The following OLFML1 variants were observed in gnomAD, a reference collection of about 807,000 sequenced individuals.
OLFML1 encodes the protein olfactomedin-like protein 1.
Under a neutral mutation model 37.3 loss-of-function variants are expected in OLFML1, and 33 were observed. That is an observed-to-expected ratio of 0.88 (90% confidence interval 0.67 to 1.18). The LOEUF (loss-of-function observed/expected upper bound fraction) is 1.18, where lower values mean the gene tolerates loss of function less well. OLFML1 is among the 50% of genes most tolerant of loss of function. The pLI, the probability that OLFML1 is intolerant of heterozygous loss-of-function variation, is 0.00. For missense variants in OLFML1, 545 were observed against 483.7 expected (o/e 1.13, Z -1.19); for synonymous variants, 186 against 181.3 (o/e 1.03, Z -0.21).
At chr11:7,502,669 G>A (rs1488713314) in intron 2 of OLFML1, among the ~76,000 whole-genome samples, 4 of 151,628 alleles carry the variant, frequency 2.6e-5, no homozygotes, top group South Asian at 2.1e-4. Flanking sequence ...GCAGTGGCGC[G>A]ATCTCGGCTT....
intron 2 of OLFML1, among the ~76,000 whole-genome samples, chr11:7,490,136 G>C (rs547040692): frequency 4.5e-5 from 6 of 134,422 alleles, no homozygotes; most frequent in South Asian, 2.9e-4. Flanking sequence ...CTTTGGTGGG[G>C]GGGGGGGCGG....
Position 7,504,310 on chromosome 11 carries a change from G to C in OLFML1, c.419-5088G>C, listed in dbSNP as rs1848756585. Among the ~76,000 whole-genome samples, 4 of 152,128 alleles carry C rather than the reference G, an allele frequency of 2.6e-5. No homozygotes were observed. In the South Asian group the frequency reaches 8.3e-4, roughly 32 times the overall value. On this transcript the variant is annotated intron_variant, in intron 2 of 2. Transcript: ENST00000329293. ...AGTGTGATAGAACAAAACGAACAAG[G>C]TGGAGAAGTTGTAGGGGACAAGGAG... is the stretch of plus-strand genomic sequence containing the variant.
At chr11:7,499,091 AG>A (rs1848692860) in intron 2 of OLFML1, among the ~76,000 whole-genome samples, 1 of 152,262 alleles carries the variant, frequency 6.6e-6, no homozygotes, top group Non-Finnish European at 1.5e-5. Flanking sequence ...CTATTAAATC[AG>A]GGGAAAAGTA....
intron 2 of OLFML1, among the ~76,000 whole-genome samples, chr11:7,505,476 C>T (rs1848774658): frequency 6.6e-6 from 1 of 152,198 alleles, no homozygotes; most frequent in South Asian, 2.1e-4. Context: ...GACCACCACT[C>T]CCTGCTTCCA....
chr11:7,506,506 G>A (rs1216579521), intron 2 of OLFML1, among the ~76,000 whole-genome samples: 4 of 152,138 alleles, frequency 2.6e-5, no homozygotes, highest in Non-Finnish European at 5.9e-5. Flanking sequence ...GGCCAGGGCG[G>A]GGTGTGTGGG....
At position 7,509,776 on chromosome 11, in the gene OLFML1, C is replaced by T. The variant is rs767132753; in HGVS notation, c.797C>T (p.Pro266Leu). 1 of 1,614,254 alleles carries T rather than the reference C, an allele frequency of 6.2e-7. No homozygotes were observed. The highest frequency in any genetic ancestry group is 1.1e-5 in the South Asian group (1 of 91,084). ...VGRALVYQHS[P>L]STYIDLAVDE... ...CGAGCATTGGTTTACCAGCACTCCC[C>T]CTCAACTTACATTGACCTGGCTGTG... The change falls in exon 3 of 3, where the codon CCC (proline) becomes CTC (leucine). Residue 266 changes from proline to leucine, a missense_variant. Pro to Leu is a moderately conservative substitution (Grantham distance 98). Transcript: ENST00000329293.
chr11:7,492,075 C>T (rs1253953748), intron 2 of OLFML1, among the ~76,000 whole-genome samples: 2 of 152,184 alleles, frequency 1.3e-5, no homozygotes, highest in African/African-American at 4.8e-5. Context: ...GTCCTGCCCA[C>T]ACTCAAGGGA....
chr11:7,510,445 C>T lies in OLFML1; in HGVS notation c.*257C>T, dbSNP rs1330517719. The T allele has an allele frequency of 9.4e-6, 4 of 423,316 alleles. No homozygotes were observed. The highest frequency in any genetic ancestry group is 7.9e-5 in the African/African-American group (4 of 50,720). The allele number at this position is 423,316 out of a possible 1,614,324, so 26.2% of individuals were successfully genotyped here. On this transcript the variant is annotated 3_prime_UTR_variant, in exon 3 of 3. Transcript: ENST00000329293. ...ACCTCCTGGCTCTCAAGGATGACCA[C>T]ATTCTGATACAGCCTACTTCAAGCC...
chr11:7,489,592 TAA>T (rs1359482047), intron 2 of OLFML1, among the ~76,000 whole-genome samples: 1 of 151,984 alleles, frequency 6.6e-6, no homozygotes, highest in East Asian at 1.9e-4. Context: ...AGGAAGAGGC[TAA>T]GACTAGAGAG....
intron 2 of OLFML1, among the ~76,000 whole-genome samples, chr11:7,505,638 C>T (rs1358656231): frequency 6.6e-6 from 1 of 152,124 alleles, no homozygotes; most frequent in African/African-American, 2.4e-5. Flanking sequence ...TGAGACTAGC[C>T]TGGGCAACAT....
In OLFML1 at chr11:7,485,734, C is replaced by T; in HGVS notation, c.-142C>T. 2 of 826,134 alleles carry T rather than the reference C, an allele frequency of 2.4e-6. No individual in the cohort carries two copies. The highest frequency in any genetic ancestry group is 1.7e-5 in the African/African-American group (1 of 58,836). The allele number at this position is 826,134 out of a possible 1,614,324, so 51.2% of individuals were successfully genotyped here. A position where few individuals can be genotyped will look rare whatever the true frequency, so the allele number is the denominator to read the frequency against. On this transcript the variant is annotated 5_prime_UTR_variant, in exon 1 of 3. Transcript: ENST00000329293. Reference sequence around the variant, plus strand: ...CGTATCGGGTGGAATAACAAGCGGACTTTGCTCTCTGCTGTGCAAAACGCT... The same window carrying T: ...CGTATCGGGTGGAATAACAAGCGGATTTTGCTCTCTGCTGTGCAAAACGCT...
chr11:7,506,791 G>A (rs1405387076), intron 2 of OLFML1, among the ~76,000 whole-genome samples: 1 of 152,110 alleles, frequency 6.6e-6, no homozygotes, highest in East Asian at 1.9e-4. Flanking sequence ...CTATTACAGT[G>A]GTTTAGGCTG....
At chr11:7,500,398 C>T (rs1329258260) in intron 2 of OLFML1, among the ~76,000 whole-genome samples, 2 of 152,180 alleles carry the variant, frequency 1.3e-5, no homozygotes, top group African/African-American at 4.8e-5. Context: ...CACCCTTCTG[C>T]ACACCCAGAT....
At chr11:7,509,253 C>T (rs188454992) in intron 2 of OLFML1, 145 bp from the exon 3 acceptor site, 71 of 591,650 alleles carry the variant, frequency 1.2e-4, no homozygotes, top group East Asian at 1.2e-3. Flanking sequence ...CTTCTAAGGA[C>T]GGTCATGTCA....
chr11:7,493,107 T>C (rs1848619217), intron 2 of OLFML1, among the ~76,000 whole-genome samples: 1 of 152,250 alleles, frequency 6.6e-6, no homozygotes, highest in Non-Finnish European at 1.5e-5. Context: ...CAAGCCATTA[T>C]AGCAGATTTT....
intron 2 of OLFML1, among the ~76,000 whole-genome samples, chr11:7,502,218 G>A (rs894282480): frequency 6.6e-6 from 1 of 152,210 alleles, no homozygotes; most frequent in Non-Finnish European, 1.5e-5. Context: ...TTGACATCCT[G>A]GCAGGATCTG....
chr11:7,496,771 C>T (rs1400770468), intron 2 of OLFML1, among the ~76,000 whole-genome samples: 1 of 151,954 alleles, frequency 6.6e-6, no homozygotes. Flanking sequence ...ATGAGAAGTT[C>T]GTAATTATAA....
rs1384839423 is a variant in OLFML1 at position 7,509,493 on chromosome 11, T to C, written c.514T>C (p.Ser172Pro). The C allele has an allele frequency of 6.2e-7, 1 of 1,613,920 alleles. No individual in the cohort carries two copies. Among genetic ancestry groups the C allele is most frequent in the Admixed American group, 1.7e-5 (1 of 59,926 alleles). The stretch of plus-strand genomic sequence containing the variant: ...TTGGATGAAAGATGCTGTCTATAAC[T>C]CTCCAAAGGTGTACTTATTAATTGG... ...GSWMKDAVYNSPKVYLLIGSR... is the reference protein window; with the variant it reads ...GSWMKDAVYNPPKVYLLIGSR... The change falls in exon 3 of 3, where the codon TCT (serine) becomes CCT (proline). Residue 172 changes from serine (S) to proline (P), a missense_variant. Coordinates refer to ENST00000329293, the MANE Select transcript of OLFML1 (RefSeq NM_198474.4).
chr11:7,511,117 T>A lies in OLFML1; in HGVS notation c.*929T>A, dbSNP rs1399066706. 1 of 152,226 alleles carries A rather than the reference T, an allele frequency of 6.6e-6. No individual in the cohort carries two copies. Among genetic ancestry groups the A allele is most frequent in the South Asian group, 2.1e-4 (1 of 4,832 alleles). The allele number at this position is 152,226 out of a possible 1,614,324, so 9.4% of individuals were successfully genotyped here. ...ATACGTATGTTTGTTCACCTACTCTTATAGTCAATGCGTTCATCGTTTCAG... is the reference window on the plus strand; with the variant it reads ...ATACGTATGTTTGTTCACCTACTCTAATAGTCAATGCGTTCATCGTTTCAG... On this transcript the variant is annotated 3_prime_UTR_variant, in exon 3 of 3. Coordinates refer to ENST00000329293, the MANE Select transcript of OLFML1 (RefSeq NM_198474.4).
Sources: allele counts gnomAD v4.1 joint callset (sites outside exome capture counted in the v4.1 genomes callset), GRCh38; gene constraint gnomAD v4.1.1; transcripts MANE v1.5; gene names NCBI Gene and HGNC (gene_info 2026-07-23, HGNC 2026-07-21).